The following UNC5A variants were observed in gnomAD, a reference collection of about 807,000 sequenced individuals.
UNC5A encodes the protein unc-5 netrin receptor A.
A neutral mutation model predicts 87.4 loss-of-function variants in UNC5A; 20 were observed. That is an observed-to-expected ratio of 0.23 (90% CI 0.16 to 0.33). The LOEUF (loss-of-function observed/expected upper bound fraction) is 0.33, where lower values mean the gene tolerates loss of function less well. Ranked by LOEUF, UNC5A falls within the 10% of genes least tolerant of loss-of-function variation. UNC5A has a pLI of 1.00. For synonymous variants in UNC5A, 438 were observed against 482.3 expected (o/e 0.91, Z 1.20); for missense variants, 844 against 1,133.4 (o/e 0.74, Z 3.67).
rs1297230941 is a variant in UNC5A at position 176,879,340 on chromosome 5, G to A, written c.2215G>A (p.Glu739Lys). ...AAGGTTTGCTGAGCTGCTGGCTCTG[G>A]AGAGTGAAGCGGGGGTCCCAGCCCT... ...DTRFAELLAL[E>K]SEAGVPALVG... The change falls in exon 14 of 15, where the codon GAG becomes AAG. Residue 739 changes from glutamate (E) to lysine (K), a missense_variant. Coordinates refer to ENST00000329542, the MANE Select transcript of UNC5A (RefSeq NM_133369.3). The A allele has an allele frequency of 6.2e-7, 1 of 1,610,854 alleles. No individual in the cohort carries two copies. The highest frequency in any genetic ancestry group is 8.5e-7 in the Non-Finnish European group (1 of 1,178,796).
rs768209479 is a variant in UNC5A at position 176,824,319 on chromosome 5, C to G, written c.70+13499C>G. ...CCAGTGGCCCCGAGGCCCTGAGGCT[C>G]TGGTCCCTGCAGCTTTTCTCAGTCC... On this transcript the variant is annotated intron_variant, in intron 1 of 14. Transcript: ENST00000329542. The surrounding 1 kb of genome is among the most constrained non-coding windows in gnomAD (Gnocchi z 4.2). Among the ~76,000 whole-genome samples, 14 of 152,184 alleles carry G rather than the reference C, an allele frequency of 9.2e-5. No homozygotes were observed. Among genetic ancestry groups the G allele is most frequent in the Non-Finnish European group, 1.6e-4 (11 of 68,040 alleles).
chr5:176,862,593 T>C, intron 1 of UNC5A, 31 bp from the exon 2 acceptor site: 3 of 1,605,962 alleles, frequency 1.9e-6, no homozygotes, highest in Non-Finnish European at 1.7e-6. Flanking sequence ...GTCTGGCCCC[T>C]GGCTCACCTT....
Position 176,848,616 on chromosome 5 carries a change from AGG to A in UNC5A, c.71-14007_71-14006del, listed in dbSNP as rs1212127714. ...GCCAGACACCCTATTCCCAGATGGA[AGG>A]TGGCAGCAGGGCCCAGGCTCCTTCC... On this transcript the variant is annotated intron_variant, in intron 1 of 14. Coordinates refer to ENST00000329542, the MANE Select transcript of UNC5A (RefSeq NM_133369.3). This position sits in a 1 kb window ranked among gnomAD's most constrained non-coding sequence, Gnocchi z 5.8. 1.3e-5 allele frequency among the ~76,000 whole-genome samples: 2 copies of A among 152,100 alleles called. No individual in the cohort carries two copies. The highest frequency in any genetic ancestry group is 2.9e-5 in the Non-Finnish European group (2 of 68,014).
intron 1 of UNC5A, among the ~76,000 whole-genome samples, chr5:176,817,736 G>A (rs1434981426): frequency 6.6e-6 from 1 of 152,056 alleles, no homozygotes; most frequent in Non-Finnish European, 1.5e-5. Flanking sequence ...AGCTGCCGTG[G>A]AGCGCGGGTG....
In UNC5A at chr5:176,838,215, G is replaced by A. The variant is rs1016488207; in HGVS notation, c.71-24409G>A. Among the ~76,000 whole-genome samples the A allele has an allele frequency of 6.6e-6, 1 of 152,188 alleles. No individual in the cohort carries two copies. The highest frequency in any genetic ancestry group is 1.5e-5 in the Non-Finnish European group (1 of 68,024). On this transcript the variant is annotated intron_variant, in intron 1 of 14. Transcript: ENST00000329542. This position sits in a 1 kb window ranked among gnomAD's most constrained non-coding sequence, Gnocchi z 4.2. ...AACTCTGGGGGGAAGGAGCTGGAGA[G>A]GTGGGAAGTAGGGATTGGTGAGGCC... is the stretch of plus-strand genomic sequence containing the variant.
rs1479401242 is a variant in UNC5A, at chr5:176,841,697, A to T, written c.71-20927A>T. Among the ~76,000 whole-genome samples the T allele has an allele frequency of 2.0e-5, 3 of 152,228 alleles. No homozygotes were observed. The highest frequency in any genetic ancestry group is 4.4e-5 in the Non-Finnish European group (3 of 68,044). ...CTCTCTCTAGAGAAGTCCCACTCCC[A>T]AGAGAAGTAAAGATATATGTCCACC... On this transcript the variant is annotated intron_variant, in intron 1 of 14. Coordinates refer to ENST00000329542, the MANE Select transcript of UNC5A (RefSeq NM_133369.3). This position sits in a 1 kb window ranked among gnomAD's most constrained non-coding sequence, Gnocchi z 4.1.
At chr5:176,813,800 G>T (rs886516365) in intron 1 of UNC5A, among the ~76,000 whole-genome samples, 1 of 152,230 alleles carries the variant, frequency 6.6e-6, no homozygotes, top group Non-Finnish European at 1.5e-5. Context: ...GGCTTCACAA[G>T]GCAGGAGCCT....
At chr5:176,833,793 C>G (rs2113610883) in intron 1 of UNC5A, among the ~76,000 whole-genome samples, 1 of 151,624 alleles carries the variant, frequency 6.6e-6, no homozygotes, top group Non-Finnish European at 1.5e-5. Flanking sequence ...ACTGCAAGCT[C>G]CACCTCCTGG....
At chr5:176,863,665 C>T (rs1757895393) in intron 2 of UNC5A, among the ~76,000 whole-genome samples, 1 of 151,564 alleles carries the variant, frequency 6.6e-6, no homozygotes, top group Non-Finnish European at 1.5e-5. Context: ...GCAACTCCCC[C>T]AGAAAGGACT....
chr5:176,869,712 CCT>C lies in UNC5A; in HGVS notation c.722-654_722-653del, dbSNP rs1561665925. ...GAGCCGGAGCTGCACCAACCCGGCG[CCT>C]CTCAACGGGGGCGCTTTCTGTGAGG... On this transcript the variant is annotated intron_variant, in intron 5 of 14. Transcript: ENST00000329542. This position sits in a 1 kb window ranked among gnomAD's most constrained non-coding sequence, Gnocchi z 9.1. The C allele has an allele frequency of 1.5e-6, 1 of 673,822 alleles. No homozygotes were observed. The highest frequency in any genetic ancestry group is 2.7e-6 in the Non-Finnish European group (1 of 366,670). 41.7% of individuals were successfully genotyped at this position (673,822 alleles called of 1,614,324 possible). A position where few individuals can be genotyped will look rare whatever the true frequency, so the allele number is the denominator to read the frequency against.
In UNC5A at chr5:176,844,839, G is replaced by A. The variant is rs964503541; in HGVS notation, c.71-17785G>A. On this transcript the variant is annotated intron_variant, in intron 1 of 14. Coordinates refer to ENST00000329542, the MANE Select transcript of UNC5A (RefSeq NM_133369.3). The surrounding 1 kb of genome is among the most constrained non-coding windows in gnomAD (Gnocchi z 4.2). ...CTGCTTGCAGTGGATCGTGGAAGTC[G>A]GTCCTCGGTGCCAGCCACAGACTCC... Among the ~76,000 whole-genome samples the A allele has an allele frequency of 8.5e-5, 13 of 152,140 alleles. No homozygotes were observed. Among genetic ancestry groups the A allele is most frequent in the African/African-American group, 7.2e-5 (3 of 41,512 alleles).
chr5:176,811,846 C>G (rs1004453566), intron 1 of UNC5A, among the ~76,000 whole-genome samples: 1 of 152,096 alleles, frequency 6.6e-6, no homozygotes, highest in Non-Finnish European at 1.5e-5. Flanking sequence ...CCCAGCCTGG[C>G]CAGGCCGCTG....
In UNC5A at chr5:176,875,907, G is replaced by A. The variant is rs1334055756; in HGVS notation, c.1379-1285G>A. On this transcript the variant is annotated intron_variant, in intron 8 of 14. Transcript: ENST00000329542. This position sits in a 1 kb window ranked among gnomAD's most constrained non-coding sequence, Gnocchi z 5.2. Reference sequence around the variant, plus strand: ...GTCTGTGCCTCACGTCCACACGGATGATAACGAACCCCTCATGGGGCTGTT... The same window carrying A: ...GTCTGTGCCTCACGTCCACACGGATAATAACGAACCCCTCATGGGGCTGTT... Among the ~76,000 whole-genome samples, 10 of 152,244 alleles carry A rather than the reference G, an allele frequency of 6.6e-5. No homozygotes were observed. Among genetic ancestry groups the A allele is most frequent in the Non-Finnish European group, 1.2e-4 (8 of 68,046 alleles).
intron 1 of UNC5A, among the ~76,000 whole-genome samples, chr5:176,819,944 C>T (rs997799671): frequency 2.0e-5 from 3 of 152,252 alleles, no homozygotes; most frequent in Admixed American, 2.0e-4. Context: ...TGGATCAACA[C>T]TATTTTATTG....
chr5:176,868,663 A>G lies in UNC5A; in HGVS notation c.539A>G (p.Glu180Gly). The G allele has an allele frequency of 6.2e-7, 1 of 1,603,382 alleles. No homozygotes were observed. The highest frequency in any genetic ancestry group is 8.5e-7 in the Non-Finnish European group (1 of 1,174,956). ...CRPPEGIPPA[E>G]VEWLRNEDLV... ...CCACCGGAGGGCATCCCTCCAGCCG[A>G]GGTGAGGGCTCCTCTAGTGCCCACG... Residue 180 changes from glutamate (E) to glycine (G), a missense_variant and splice_region_variant, in exon 4 of 15, where the codon GAG becomes GGG. Transcript: ENST00000329542.
Position 176,878,629 on chromosome 5 carries a change from A to G in UNC5A, c.2174A>G (p.Asn725Ser), listed in dbSNP as rs964347371. 3 of 1,611,964 alleles carry G rather than the reference A, an allele frequency of 1.9e-6. No individual in the cohort carries two copies. The highest frequency in any genetic ancestry group is 2.5e-6 in the Non-Finnish European group (3 of 1,179,446). The stretch of plus-strand genomic sequence containing the variant: ...GGGCAGAGCTTCAGCATCAACTTCA[A>G]CATCACCAAGGTGGACGGGAGGGGC... ...GDGQSFSINF[N>S]ITKDTRFAEL... Residue 725 changes from asparagine (N) to serine (S), a missense_variant, in exon 13 of 15, where the codon AAC (asparagine) becomes AGC (serine). By Grantham distance (46) the Asn-to-Ser change is conservative. Transcript: ENST00000329542.
At chr5:176,877,866 G>A (rs772924600) in intron 10 of UNC5A, 28 bp from the exon 11 acceptor site, 49 of 1,581,060 alleles carry the variant, frequency 3.1e-5, no homozygotes, top group Middle Eastern at 1.7e-4. Context: ...AGGCTGGGCC[G>A]AATTGACCCA....
intron 1 of UNC5A, among the ~76,000 whole-genome samples, chr5:176,818,774 C>G (rs1008956480): frequency 2.4e-4 from 37 of 152,202 alleles, no homozygotes; most frequent in Admixed American, 8.5e-4. Context: ...TCTGTGTGGC[C>G]TCAAGTGAAC....
intron 2 of UNC5A, among the ~76,000 whole-genome samples, chr5:176,864,645 G>A (rs1214212493): frequency 5.3e-5 from 8 of 152,232 alleles, no homozygotes; most frequent in Non-Finnish European, 1.0e-4. Context: ...GTGAGGGTCA[G>A]CAGGGACTGC....
Sources: allele counts gnomAD v4.1 joint callset (sites outside exome capture counted in the v4.1 genomes callset), GRCh38; gene constraint gnomAD v4.1.1; non-coding constraint Gnocchi (gnomAD v3.1); transcripts MANE v1.5; gene names NCBI Gene and HGNC (gene_info 2026-07-23, HGNC 2026-07-21).